ADAMTS5: variants seen among roughly 807,000 people sequenced by gnomAD.
The protein encoded by ADAMTS5 is A disintegrin and metalloproteinase with thrombospondin motifs 5.
ADAMTS5 carries 54 observed loss-of-function variants against 81.4 expected under a neutral mutation model. That is an observed-to-expected ratio of 0.66 (90% confidence interval 0.53 to 0.83). The LOEUF (loss-of-function observed/expected upper bound fraction) is 0.83. Among genes scored for constraint, ADAMTS5 ranks in the 40% least tolerant of loss-of-function variants. The pLI is 0.00. For synonymous variants in ADAMTS5, 532 were observed against 508.8 expected, an observed-to-expected ratio of 1.05 and a Z score of -0.61; for missense variants, 1,194 against 1,229.9, an observed-to-expected ratio of 0.97 and a Z score of 0.44.
chr21:26,960,688 G>C (rs9305295), intron 1 of ADAMTS5, among the ~76,000 whole-genome samples: 12,636 of 152,184 alleles, frequency 0.083, 710 homozygotes, highest in East Asian at 0.26. Context: ...GACATACTTC[G>C]GTGGTTAAAT....
chr21:26,933,992 A>G (rs1483210195), intron 4 of ADAMTS5, among the ~76,000 whole-genome samples: 1 of 152,166 alleles, frequency 6.6e-6, no homozygotes, highest in Middle Eastern at 3.2e-3. Flanking sequence ...AGCAGTCGTA[A>G]GTTACTTTAG....
chr21:26,965,753 C>T lies in ADAMTS5; in HGVS notation c.639G>A (p.Ala213=), dbSNP rs749311366. 21 of 1,597,308 alleles carry T rather than the reference C, an allele frequency of 1.3e-5. 1 individual carries two copies. The African/African-American group carries it at 1.6e-4, about 12-fold the overall frequency. Residue 213 remains alanine, a synonymous_variant, in exon 1 of 8, where the codon GCG becomes GCA. Transcript: ENST00000284987. The part of the protein sequence containing the change: ...LPPRASCETP[A]STPEAHEHAP... The stretch of plus-strand genomic sequence containing the variant: ...CATGCTCGTGGGCCTCCGGTGTGGA[C>T]GCGGGGGTTTCGCAGCTGGCGCGCG...
intron 7 of ADAMTS5, among the ~76,000 whole-genome samples, chr21:26,926,291 T>C (rs1183846034): frequency 6.6e-6 from 1 of 152,166 alleles, no homozygotes; most frequent in African/African-American, 2.4e-5. Flanking sequence ...AAATATAACA[T>C]CTTACACAAA....
chr21:26,961,516 T>G (rs546736422), intron 1 of ADAMTS5, among the ~76,000 whole-genome samples: 66 of 152,388 alleles, frequency 4.3e-4, no homozygotes, highest in African/African-American at 1.5e-3. Flanking sequence ...TCCACTCTGC[T>G]GGGGATACGC....
intron 2 of ADAMTS5, among the ~76,000 whole-genome samples, chr21:26,948,176 T>A (rs1987251420): frequency 6.6e-6 from 1 of 152,230 alleles, no homozygotes; most frequent in African/African-American, 2.4e-5. Flanking sequence ...GACACATCAC[T>A]TTAAAGGAAA....
chr21:26,943,945 A>G (rs1468317765), intron 2 of ADAMTS5, among the ~76,000 whole-genome samples: 1 of 152,180 alleles, frequency 6.6e-6, no homozygotes, highest in Admixed American at 6.5e-5. Flanking sequence ...ATGAGATCAA[A>G]GTGCATTTGC....
At chr21:26,946,018 A>G (rs1327197011) in intron 2 of ADAMTS5, among the ~76,000 whole-genome samples, 3 of 152,172 alleles carry the variant, frequency 2.0e-5, no homozygotes, top group Non-Finnish European at 1.5e-5. Flanking sequence ...GCTCTCTGGG[A>G]GAGGCATGCT....
intron 1 of ADAMTS5, among the ~76,000 whole-genome samples, chr21:26,957,966 C>T (rs1163866827): frequency 2.6e-5 from 4 of 152,154 alleles, no homozygotes; most frequent in Non-Finnish European, 5.9e-5. Context: ...CTGGGCACTT[C>T]TTGGGGATGG....
In ADAMTS5 at chr21:26,967,088, T is replaced by G. The variant is rs1347867370; in HGVS notation, c.-697A>C. 6.6e-6 allele frequency among the ~76,000 whole-genome samples: 1 copy of G among 152,144 alleles called. No homozygotes were observed. Among genetic ancestry groups the G allele is most frequent in the Non-Finnish European group, 1.5e-5 (1 of 68,034 alleles). ...AGCGCCGAGAGCAGCGCGAGCGCTGTGAAGATGCGAGGAGGTGGAACAATG... is the reference window on the plus strand; with the variant it reads ...AGCGCCGAGAGCAGCGCGAGCGCTGGGAAGATGCGAGGAGGTGGAACAATG... On this transcript the variant is annotated 5_prime_UTR_variant, in exon 1 of 8. Transcript: ENST00000284987.
intron 3 of ADAMTS5, among the ~76,000 whole-genome samples, chr21:26,941,968 A>G (rs1428587687): frequency 2.0e-5 from 3 of 152,126 alleles, no homozygotes; most frequent in Non-Finnish European, 4.4e-5. Context: ...AAAAAGCTTC[A>G]TACGTTAATT....
chr21:26,924,286 T>C lies in ADAMTS5; in HGVS notation c.2560A>G (p.Lys854Glu). The C allele has an allele frequency of 6.2e-7, 1 of 1,614,200 alleles. No individual in the cohort carries two copies. Among genetic ancestry groups the C allele is most frequent in the East Asian group, 2.2e-5 (1 of 44,882 alleles). ...ACAGAGTTTACTTTTGGAGTGGACT[T>C]CTTGGGAACAAAAAAGCTATAACGG... ...DVRYSFFVPK[K>E]STPKVNSVTS... The change falls in exon 8 of 8, where the codon AAG becomes GAG. Residue 854 changes from lysine to glutamate, a missense_variant. Transcript: ENST00000284987.
Position 26,918,753 on chromosome 21 carries a change from C to T in ADAMTS5, c.*5300G>A, listed in dbSNP as rs902600107. The T allele has an allele frequency of 9.9e-5, 15 of 151,548 alleles. No homozygotes were observed. The highest frequency in any genetic ancestry group is 3.4e-4 in the African/African-American group (14 of 41,250). 9.4% of individuals were successfully genotyped at this position (151,548 alleles called of 1,614,324 possible). ...ATATTGTGAGTTGTTAAAGAAAAGG[C>T]TGAGATATAGTCACCAAGTGTTTAC... is the stretch of plus-strand genomic sequence containing the variant. On this transcript the variant is annotated 3_prime_UTR_variant, in exon 8 of 8. Coordinates refer to ENST00000284987, the MANE Select transcript of ADAMTS5 (RefSeq NM_007038.5).
chr21:26,966,605 T>C lies in ADAMTS5; in HGVS notation c.-214A>G. 8.5e-6 allele frequency: 1 copy of C among 117,696 alleles called. No homozygotes were observed. The highest frequency in any genetic ancestry group is 1.5e-5 in the Non-Finnish European group (1 of 66,628). 7.3% of individuals were successfully genotyped at this position (117,696 alleles called of 1,614,324 possible). On this transcript the variant is annotated 5_prime_UTR_variant, in exon 1 of 8. Transcript: ENST00000284987. ...TTTCTTTGTTGCTTGGGAAAATGTT[T>C]GGATTCGTGCTCCAGAAAGAGGTGG...
At position 26,918,951 on chromosome 21, in the gene ADAMTS5, C is replaced by T. The variant is rs1986634506; in HGVS notation, c.*5102G>A. The T allele has an allele frequency of 6.6e-6, 1 of 151,962 alleles. No individual in the cohort carries two copies. Among genetic ancestry groups the T allele is most frequent in the Non-Finnish European group, 1.5e-5 (1 of 67,898 alleles). 9.4% of individuals were successfully genotyped at this position (151,962 alleles called of 1,614,324 possible). On this transcript the variant is annotated 3_prime_UTR_variant, in exon 8 of 8. Transcript: ENST00000284987. ...GACCCCTTAAATGTCCTCAGATGCA[C>T]ATGCAGTTTACGTCACTGACCACTG...
chr21:26,947,324 G>T (rs929736863), intron 2 of ADAMTS5, among the ~76,000 whole-genome samples: 1 of 152,192 alleles, frequency 6.6e-6, no homozygotes, highest in African/African-American at 2.4e-5. Flanking sequence ...CTGGGGAGGG[G>T]AGATAGAAGC....
chr21:26,944,110 T>A (rs1987169262), intron 2 of ADAMTS5, among the ~76,000 whole-genome samples: 1 of 152,228 alleles, frequency 6.6e-6, no homozygotes. Flanking sequence ...GAAAGAGAAG[T>A]GAAATGAGGA....
At chr21:26,954,380 G>A (rs1185342139) in intron 2 of ADAMTS5, among the ~76,000 whole-genome samples, 3 of 152,140 alleles carry the variant, frequency 2.0e-5, no homozygotes, top group Non-Finnish European at 4.4e-5. Flanking sequence ...GGATGAGCCA[G>A]TACTGTCTCC....
intron 7 of ADAMTS5, 53 bp from the exon 8 acceptor site, chr21:26,924,673 GA>G (rs1206506961): frequency 4.4e-5 from 61 of 1,392,860 alleles, no homozygotes; most frequent in Middle Eastern, 1.8e-4. Context: ...AAAAAAGGGA[GA>G]AAAAAATGAG....
chr21:26,935,290 A>G (rs1385328522), intron 3 of ADAMTS5, among the ~76,000 whole-genome samples: 1 of 152,016 alleles, frequency 6.6e-6, no homozygotes, highest in African/African-American at 2.4e-5. Context: ...CTCCTCATTC[A>G]TTCTTACAGT....
Sources: gnomAD v4.1 joint callset for allele counts (sites outside exome capture counted in the v4.1 genomes callset) on GRCh38, gnomAD v4.1.1 for gene constraint, MANE v1.5 for transcripts, NCBI Gene and HGNC (gene_info 2026-07-23, HGNC 2026-07-21) for gene names.